The following GAD2 variants were observed in gnomAD, a reference collection of about 807,000 sequenced individuals.
GAD2 encodes glutamate decarboxylase 2.
Under a neutral mutation model 80.1 loss-of-function variants are expected in GAD2, and 22 were observed. The ratio of observed to expected loss-of-function variants is 0.27; its 90% confidence interval spans 0.20 to 0.39. The LOEUF is 0.39. Ranked by LOEUF, GAD2 falls within the 10% of genes least tolerant of loss-of-function variation. The pLI, the probability that GAD2 is intolerant of heterozygous loss-of-function variation, is 1.00. For synonymous variants in GAD2, 274 were observed against 256.9 expected (o/e 1.07, Z -0.64); for missense variants, 624 against 738.4 (o/e 0.85, Z 1.80).
chr10:26,268,435 T>C lies in GAD2; in HGVS notation c.921-684T>C, dbSNP rs896646676. On this transcript the variant is annotated intron_variant, in intron 8 of 15. Transcript: ENST00000376261. ...GTGAGCCAAGATTGTGCCACTGCACTCCAGCCTGGGCGACAGAGCCAGACT... is the reference window on the plus strand; with the variant it reads ...GTGAGCCAAGATTGTGCCACTGCACCCCAGCCTGGGCGACAGAGCCAGACT... 9.9e-5 allele frequency among the ~76,000 whole-genome samples: 14 copies of C among 141,724 alleles called. No individual in the cohort carries two copies. The East Asian group carries it at 2.5e-3, about 26-fold the overall frequency. 93.0% of individuals were successfully genotyped at this position (141,724 alleles called of 152,430 possible).
chr10:26,292,677 G>A, intron 14 of GAD2, 105 bp downstream of exon 14: 1 of 935,758 alleles, frequency 1.1e-6, no homozygotes, highest in Non-Finnish European at 1.7e-6. Flanking sequence ...GACGATTACA[G>A]AGGGGAGCAG....
chr10:26,219,458 T>C, intron 4 of GAD2, 182 bp downstream of exon 4: 1 of 528,004 alleles, frequency 1.9e-6, no homozygotes. Flanking sequence ...CCACTGCTAT[T>C]GTTCATGCTT....
At chr10:26,268,486 T>A (rs1042541579) in intron 8 of GAD2, among the ~76,000 whole-genome samples, 42 of 130,378 alleles carry the variant, frequency 3.2e-4, no homozygotes, top group African/African-American at 1.0e-3. Context: ...AAAAAAAAAA[T>A]GTTTCTCTGT....
chr10:26,261,772 C>A (rs1422042917), intron 8 of GAD2, among the ~76,000 whole-genome samples: 1 of 152,144 alleles, frequency 6.6e-6, no homozygotes, highest in Non-Finnish European at 1.5e-5. Flanking sequence ...TTCCCACCCT[C>A]TTCTCTTCCT....
chr10:26,278,473 T>A (rs1845236958), intron 11 of GAD2, among the ~76,000 whole-genome samples: 1 of 152,240 alleles, frequency 6.6e-6, no homozygotes, highest in East Asian at 1.9e-4. Flanking sequence ...CACAGAGAGG[T>A]TAAGTAACTT....
In GAD2 at chr10:26,301,000, AC is replaced by A. The variant is rs1834324258; in HGVS notation, c.*40del. On this transcript the variant is annotated 3_prime_UTR_variant, in exon 16 of 16. Coordinates refer to ENST00000376261, the MANE Select transcript of GAD2 (RefSeq NM_001134366.2). ...CAAGCTGTTCCACTTCTCTAGGTAG[AC>A]AATTAAGTTGTCACAAACTGTGTGA... 6.5e-7 allele frequency: 1 copy of A among 1,530,784 alleles called. No homozygotes were observed. The highest frequency in any genetic ancestry group is 1.4e-5 in the African/African-American group (1 of 73,208). The allele number at this position is 1,530,784 out of a possible 1,614,324, so 94.8% of individuals were successfully genotyped here. A position where few individuals can be genotyped will look rare whatever the true frequency, so the allele number is the denominator to read the frequency against.
intron 10 of GAD2, among the ~76,000 whole-genome samples, chr10:26,271,678 T>A (rs944097318): frequency 6.6e-6 from 1 of 152,206 alleles, no homozygotes; most frequent in Admixed American, 6.5e-5. Context: ...CAGCACTGGG[T>A]CTAAGCCAGG....
At position 26,224,629 on chromosome 10, in the gene GAD2, T is replaced by G. The variant is rs776485774; in HGVS notation, c.702T>G (p.Ser234=). 1 of 1,612,554 alleles carries G rather than the reference T, an allele frequency of 6.2e-7. No homozygotes were observed. The highest frequency in any genetic ancestry group is 8.5e-7 in the Non-Finnish European group (1 of 1,178,642). Residue 234 remains serine, a synonymous_variant, in exon 6 of 16, where the codon TCT becomes TCG. Coordinates refer to ENST00000376261, the MANE Select transcript of GAD2 (RefSeq NM_001134366.2). ...MREIIGWPGG[S]GDGIFSPGGA... is the part of the protein sequence containing the mutation. ...AAATCATTGGCTGGCCAGGGGGCTC[T>G]GGCGATGGGATATTTTCTCCCGGTA...
Position 26,228,596 on chromosome 10 carries a change from T to C in GAD2, c.725-1066T>C, listed in dbSNP as rs1234889116. On this transcript the variant is annotated intron_variant, in intron 6 of 15. Transcript: ENST00000376261. Reference sequence around the variant, plus strand: ...TATTAGGAACGGGGCCACAGAGCAGTAGGTGAGCAAGGGGCAAGCGAGCAT... The same window carrying C: ...TATTAGGAACGGGGCCACAGAGCAGCAGGTGAGCAAGGGGCAAGCGAGCAT... Among the ~76,000 whole-genome samples, 4 of 152,152 alleles carry C rather than the reference T, an allele frequency of 2.6e-5. No individual in the cohort carries two copies. The East Asian group carries it at 5.8e-4, about 22-fold the overall frequency.
intron 12 of GAD2, among the ~76,000 whole-genome samples, chr10:26,281,397 A>G (rs950946097): frequency 6.6e-6 from 1 of 152,138 alleles, no homozygotes; most frequent in African/African-American, 2.4e-5. Context: ...CACTCTCCCA[A>G]AAAATTAAAT....
rs556846539 is a variant in GAD2, at chr10:26,281,101, G to T, written c.1236+14G>T. The T allele has an allele frequency of 1.1e-5, 17 of 1,591,122 alleles. No homozygotes were observed. The South Asian group carries it at 1.8e-4, about 17-fold the overall frequency. On this transcript the variant is annotated intron_variant, in intron 12 of 15. Transcript: ENST00000376261. ...GTTAGAGAAGAGGTATGTCTCTCTT[G>T]ACTCTGTGTCCCAGTCCGTGCGTGG...
chr10:26,234,625 A>G (rs994486831), intron 7 of GAD2, among the ~76,000 whole-genome samples: 3 of 152,216 alleles, frequency 2.0e-5, no homozygotes, highest in Non-Finnish European at 2.9e-5. Flanking sequence ...GTTGTGTGAC[A>G]CTGGACAAGT....
At chr10:26,267,267 T>C (rs1024854442) in intron 8 of GAD2, among the ~76,000 whole-genome samples, 7 of 152,382 alleles carry the variant, frequency 4.6e-5, no homozygotes, top group Admixed American at 4.6e-4. Context: ...AAAAATACTA[T>C]GGCAATTTTA....
chr10:26,296,762 G>A (rs1393597669), intron 15 of GAD2, among the ~76,000 whole-genome samples: 1 of 151,924 alleles, frequency 6.6e-6, no homozygotes, highest in Non-Finnish European at 1.5e-5. Flanking sequence ...AGCTTTTATA[G>A]TCCTACACTG....
At chr10:26,258,002 T>C (rs1844963944) in intron 8 of GAD2, among the ~76,000 whole-genome samples, 1 of 152,144 alleles carries the variant, frequency 6.6e-6, no homozygotes, top group South Asian at 2.1e-4. Flanking sequence ...TTCCTGTGGG[T>C]GTAGATGCAG....
chr10:26,292,460 C>T lies in GAD2; in HGVS notation c.1387-5C>T, dbSNP rs767590244. The T allele has an allele frequency of 1.2e-6, 2 of 1,610,130 alleles. No homozygotes were observed. Among genetic ancestry groups the T allele is most frequent in the Admixed American group, 1.7e-5 (1 of 60,012 alleles). The stretch of plus-strand genomic sequence containing the variant: ...CTTAATGAGCTGTGTCCTTCTCTTA[C>T]CTAGGGGACTACCGGGTTTGAAGCG... On this transcript the variant is annotated splice_polypyrimidine_tract_variant and splice_region_variant and intron_variant, in intron 13 of 15. Coordinates refer to ENST00000376261, the MANE Select transcript of GAD2 (RefSeq NM_001134366.2).
intron 8 of GAD2, among the ~76,000 whole-genome samples, chr10:26,265,066 T>C (rs974628352): frequency 6.6e-6 from 1 of 152,174 alleles, no homozygotes; most frequent in African/African-American, 2.4e-5. Context: ...ACTGGGACCA[T>C]GGTCCAAGGT....
intron 12 of GAD2, 70 bp from the exon 13 acceptor site, chr10:26,286,275 T>C: frequency 3.7e-6 from 5 of 1,358,636 alleles, no homozygotes; most frequent in Middle Eastern, 1.8e-4. Context: ...TTTTTTCTTA[T>C]TAATTTTTAC....
chr10:26,222,004 AGG>A (rs1279852833), intron 4 of GAD2, among the ~76,000 whole-genome samples: 1 of 152,190 alleles, frequency 6.6e-6, no homozygotes, highest in Non-Finnish European at 1.5e-5. Flanking sequence ...AAATGTCACT[AGG>A]GGAATATTTC....
Sources: gnomAD v4.1 joint callset for allele counts (sites outside exome capture counted in the v4.1 genomes callset) on GRCh38, gnomAD v4.1.1 for gene constraint, MANE v1.5 for transcripts, NCBI Gene and HGNC (gene_info 2026-07-23, HGNC 2026-07-21) for gene names.